CTNNA1: variants seen among roughly 807,000 people sequenced by gnomAD.
CTNNA1 encodes catenin alpha 1.
In CTNNA1, 37 loss-of-function variants were observed where a neutral mutation model predicts 98.4. The observed-to-expected ratio is 0.38, with a 90% CI of 0.29 to 0.49. CTNNA1 has a LOEUF of 0.49. Ranked by LOEUF, CTNNA1 falls within the 20% of genes least tolerant of loss-of-function variation. The pLI is 0.95. For missense variants in CTNNA1, 761 were observed against 1,147.2 expected, an observed-to-expected ratio of 0.66 and a Z score of 4.86; for synonymous variants, 404 against 413.2, an observed-to-expected ratio of 0.98 and a Z score of 0.27.
In CTNNA1 at chr5:138,925,334, A is replaced by G; in HGVS notation, c.1826A>G (p.Asn609Ser). Reference sequence around the variant, plus strand: ...GACCCTGCCCAGCCCATGGATGAGAATGAGTTTATCGATGCTTCCCGCCTG... The same window carrying G: ...GACCCTGCCCAGCCCATGGATGAGAGTGAGTTTATCGATGCTTCCCGCCTG... ...SSDPAQPMDENEFIDASRLVY... is the reference protein window; with the variant it reads ...SSDPAQPMDESEFIDASRLVY... The change falls in exon 13 of 18, where the codon AAT becomes AGT. Residue 609 changes from asparagine (N) to serine (S), a missense_variant. Asn to Ser is a conservative substitution (Grantham distance 46). This residue lies in a region of CTNNA1 where 287 missense variants were observed against 436.0 expected (regional missense o/e 0.66). Coordinates refer to ENST00000302763, the MANE Select transcript of CTNNA1 (RefSeq NM_001903.5). The G allele has an allele frequency of 6.2e-7, 1 of 1,614,180 alleles. No individual in the cohort carries two copies. Among genetic ancestry groups the G allele is most frequent in the Non-Finnish European group, 8.5e-7 (1 of 1,180,042 alleles).
chr5:138,809,556 C>T lies in CTNNA1; in HGVS notation c.302-482C>T, dbSNP rs149149117. On this transcript the variant is annotated intron_variant, in intron 3 of 17. Coordinates refer to ENST00000302763, the MANE Select transcript of CTNNA1 (RefSeq NM_001903.5). The stretch of plus-strand genomic sequence containing the variant: ...TCAATGGCTGAGCTCTGTATTTTCA[C>T]ATACCAGTGAGTCTCTGTTATGGCT... 2.5e-4 allele frequency among the ~76,000 whole-genome samples: 38 copies of T among 152,304 alleles called. No homozygotes were observed. The East Asian group carries it at 7.1e-3, about 29-fold the overall frequency.
intron 7 of CTNNA1, chr5:138,872,198 A>G (rs918488944): frequency 2.0e-5 from 3 of 152,624 alleles, no homozygotes; most frequent in Admixed American, 6.5e-5. Context: ...ATTAATTAGT[A>G]CAATGACAGT....
At chr5:138,879,953 C>A (rs553092583) in intron 7 of CTNNA1, among the ~76,000 whole-genome samples, 1 of 152,282 alleles carries the variant, frequency 6.6e-6, no homozygotes, top group East Asian at 1.9e-4. Context: ...GTTTCAGGGT[C>A]AGAATCATGT....
chr5:138,872,124 G>A (rs1435330443), intron 7 of CTNNA1: 1 of 150,718 alleles, frequency 6.6e-6, no homozygotes, highest in Non-Finnish European at 1.5e-5. Context: ...AGTTTGTCTT[G>A]TTTATCTCCA....
At position 138,783,319 on chromosome 5, in the gene CTNNA1, G is replaced by A. The variant is rs750796277; in HGVS notation, c.248G>A (p.Ser83Asn). ...LEKGDKIAKE[S>N]QFLKEELVAA... ...AAGGGGGATAAAATTGCGAAGGAGA[G>A]CCAGTTTCTCAAGGAGGAGCTTGTG... The change falls in exon 3 of 18, where the codon AGC becomes AAC. Residue 83 changes from serine to asparagine, a missense_variant. Coordinates refer to ENST00000302763, the MANE Select transcript of CTNNA1 (RefSeq NM_001903.5). 8.1e-6 allele frequency: 13 copies of A among 1,614,010 alleles called. No individual in the cohort carries two copies. In the Admixed American group the frequency reaches 1.5e-4, roughly 19 times the overall value.
chr5:138,755,572 G>C (rs1348017648), intron 1 of CTNNA1, among the ~76,000 whole-genome samples: 5 of 152,106 alleles, frequency 3.3e-5, no homozygotes, highest in Non-Finnish European at 7.3e-5. Context: ...ATTTCATATA[G>C]TGACTTAGAG....
chr5:138,883,159 G>A (rs1329192184), intron 7 of CTNNA1, among the ~76,000 whole-genome samples: 4 of 152,086 alleles, frequency 2.6e-5, no homozygotes, highest in Admixed American at 6.6e-5. Context: ...GAGCCACCGC[G>A]CCTGGCAGAA....
rs1335516413 is a variant in CTNNA1, at chr5:138,917,738, G to A, written c.1390-4G>A. 6.2e-7 allele frequency: 1 copy of A among 1,613,446 alleles called. No homozygotes were observed. Among genetic ancestry groups the A allele is most frequent in the South Asian group, 1.1e-5 (1 of 90,938 alleles). ...TAAACAGTGAAGTTTAATATCTTTT[G>A]CAGGTTATTAATGCTGCACTGGCTT... On this transcript the variant is annotated splice_polypyrimidine_tract_variant and splice_region_variant and intron_variant, in intron 10 of 17. Coordinates refer to ENST00000302763, the MANE Select transcript of CTNNA1 (RefSeq NM_001903.5).
intron 10 of CTNNA1, among the ~76,000 whole-genome samples, chr5:138,910,230 T>C (rs1290783380): frequency 7.7e-6 from 1 of 129,934 alleles, no homozygotes. Context: ...ACTTTTCTTT[T>C]TTTTTTTTTT....
intron 3 of CTNNA1, among the ~76,000 whole-genome samples, chr5:138,786,662 G>A (rs1755746134): frequency 6.6e-6 from 1 of 152,166 alleles, no homozygotes; most frequent in Non-Finnish European, 1.5e-5. Context: ...TGGCTGCTAT[G>A]TCTTGAGTGC....
chr5:138,897,427 C>T (rs1283020046), intron 9 of CTNNA1, among the ~76,000 whole-genome samples: 1 of 150,976 alleles, frequency 6.6e-6, no homozygotes, highest in Non-Finnish European at 1.5e-5. Flanking sequence ...AACTTTTATT[C>T]CGTAGTATGC....
chr5:138,919,081 T>C (rs1263198578), intron 11 of CTNNA1, among the ~76,000 whole-genome samples: 2 of 152,220 alleles, frequency 1.3e-5, no homozygotes, highest in Non-Finnish European at 2.9e-5. Flanking sequence ...ACCATGTTGC[T>C]GCAGGACTGC....
At chr5:138,911,792 G>A (rs1760687751) in intron 10 of CTNNA1, among the ~76,000 whole-genome samples, 1 of 152,338 alleles carries the variant, frequency 6.6e-6, no homozygotes, top group South Asian at 2.1e-4. Flanking sequence ...AGATGGTATT[G>A]TACTAATCCA....
chr5:138,908,504 A>G (rs1759783954), intron 10 of CTNNA1, among the ~76,000 whole-genome samples: 1 of 152,006 alleles, frequency 6.6e-6, no homozygotes, highest in South Asian at 2.1e-4. Context: ...CCCATCTCCT[A>G]AAATAAAAGA....
intron 5 of CTNNA1, among the ~76,000 whole-genome samples, chr5:138,814,598 A>G (rs1759218035): frequency 6.6e-6 from 1 of 152,234 alleles, no homozygotes; most frequent in African/African-American, 2.4e-5. Context: ...ATATTAAGTT[A>G]TATTTAAAAG....
At chr5:138,829,427 A>T (rs1761045834) in intron 7 of CTNNA1, among the ~76,000 whole-genome samples, 1 of 152,188 alleles carries the variant, frequency 6.6e-6, no homozygotes, top group Non-Finnish European at 1.5e-5. Flanking sequence ...TGAGGAAATC[A>T]CTTCAAAAAC....
At chr5:138,790,483 T>C (rs1172142549) in intron 3 of CTNNA1, among the ~76,000 whole-genome samples, 1 of 152,216 alleles carries the variant, frequency 6.6e-6, no homozygotes, top group Non-Finnish European at 1.5e-5. Context: ...CTGAAACATG[T>C]TATTTGTGTG....
intron 3 of CTNNA1, among the ~76,000 whole-genome samples, chr5:138,786,924 T>C (rs1435342848): frequency 6.6e-6 from 1 of 152,362 alleles, no homozygotes; most frequent in South Asian, 2.1e-4. Context: ...TTCCCTGCCC[T>C]GGCTTCAGTG....
chr5:138,771,384 A>T (rs1753535443), intron 1 of CTNNA1, among the ~76,000 whole-genome samples: 1 of 151,902 alleles, frequency 6.6e-6, no homozygotes. Flanking sequence ...TTATTTATTT[A>T]TTTTTTGTAT....
Sources: gnomAD v4.1 joint callset for allele counts (sites outside exome capture counted in the v4.1 genomes callset) on GRCh38, gnomAD v4.1.1 for gene constraint, gnomAD v4.1.1 regional missense constraint, MANE v1.5 for transcripts, NCBI Gene and HGNC (gene_info 2026-07-23, HGNC 2026-07-21) for gene names.